KCNQ5: variants seen among roughly 807,000 people sequenced by gnomAD.
KCNQ5 encodes the protein potassium voltage-gated channel subfamily Q member 5.
KCNQ5 carries 30 observed loss-of-function variants against 98.2 expected under a neutral mutation model. The observed-to-expected ratio is 0.31, with a 90% CI of 0.23 to 0.41. KCNQ5 has a LOEUF of 0.41. KCNQ5 is among the 10% of genes least tolerant of loss of function. The probability of loss-of-function intolerance (pLI) is 1.00; values close to 1 mark genes in which losing one functional copy is unlikely to be tolerated. For synonymous variants in KCNQ5, 458 were observed against 449.4 expected, an observed-to-expected ratio of 1.02 and a Z score of -0.24; for missense variants, 835 against 1,182.5, an observed-to-expected ratio of 0.71 and a Z score of 4.31.
rs528507578 is a variant in KCNQ5 at position 73,062,512 on chromosome 6, C to T, written c.617-14810C>T. Among the ~76,000 whole-genome samples, 65 of 152,112 alleles carry T rather than the reference C, an allele frequency of 4.3e-4. No individual in the cohort carries two copies. The South Asian group carries it at 7.7e-3, about 18-fold the overall frequency. ...CAGTCACATGAGAAGCGTCATCCCC[C>T]CGGCCCCCATCACAACCCCTACACA... is the stretch of plus-strand genomic sequence containing the variant. On this transcript the variant is annotated intron_variant, in intron 3 of 13. Transcript: ENST00000370398.
intron 5 of KCNQ5, among the ~76,000 whole-genome samples, chr6:73,097,886 A>G (rs1408863089): frequency 6.6e-6 from 1 of 152,176 alleles, no homozygotes; most frequent in Non-Finnish European, 1.5e-5. Context: ...TTCAAATACC[A>G]GGAAAGCCTT....
intron 1 of KCNQ5, among the ~76,000 whole-genome samples, chr6:72,959,754 C>G (rs1360921598): frequency 1.3e-5 from 2 of 152,088 alleles, no homozygotes; most frequent in African/African-American, 4.8e-5. Flanking sequence ...GGGGAAAACT[C>G]AAACTGAAAC....
chr6:73,009,476 T>C (rs377412015), intron 2 of KCNQ5, among the ~76,000 whole-genome samples: 23 of 151,822 alleles, frequency 1.5e-4, no homozygotes, highest in African/African-American at 5.3e-4. Context: ...TTTTACAACT[T>C]AAGGAGCTAA....
intron 1 of KCNQ5, among the ~76,000 whole-genome samples, chr6:72,680,628 A>T (rs990617063): frequency 1.3e-5 from 2 of 152,026 alleles, no homozygotes; most frequent in African/African-American, 2.4e-5. Context: ...ATAGATAACC[A>T]TTTTTTTACT....
At chr6:73,014,402 T>G (rs1381183941) in intron 2 of KCNQ5, among the ~76,000 whole-genome samples, 1 of 152,074 alleles carries the variant, frequency 6.6e-6, no homozygotes, top group Non-Finnish European at 1.5e-5. Context: ...CCACTATCAA[T>G]TTTAGCAAGA....
At chr6:72,696,388 G>A (rs1340276872) in intron 1 of KCNQ5, among the ~76,000 whole-genome samples, 1 of 152,020 alleles carries the variant, frequency 6.6e-6, no homozygotes, top group African/African-American at 2.4e-5. Context: ...TTAATATTAG[G>A]CACTTTATGA....
At chr6:72,660,140 A>G (rs1225149101) in intron 1 of KCNQ5, among the ~76,000 whole-genome samples, 1 of 152,244 alleles carries the variant, frequency 6.6e-6, no homozygotes, top group South Asian at 2.1e-4. Context: ...TAATAATAGT[A>G]TAAGCTAATG....
chr6:73,111,217 C>A, intron 6 of KCNQ5, 91 bp from the exon 7 acceptor site: 1 of 843,896 alleles, frequency 1.2e-6, no homozygotes, highest in Non-Finnish European at 2.0e-6. Flanking sequence ...CGTTTGTCTT[C>A]TCTCAGACTC....
chr6:72,769,058 C>T (rs559715600), intron 1 of KCNQ5, among the ~76,000 whole-genome samples: 189 of 152,198 alleles, frequency 1.2e-3, no homozygotes, highest in African/African-American at 4.3e-3. Context: ...TCAAGTAGTA[C>T]TCTCCTTTCC....
At chr6:72,901,077 T>C (rs900713570) in intron 1 of KCNQ5, among the ~76,000 whole-genome samples, 2 of 151,946 alleles carry the variant, frequency 1.3e-5, no homozygotes, top group Non-Finnish European at 2.9e-5. Flanking sequence ...GCTGCACCCA[T>C]TAACTCATCA....
intron 1 of KCNQ5, among the ~76,000 whole-genome samples, chr6:72,882,073 C>T (rs1293158550): frequency 2.6e-5 from 4 of 152,090 alleles, no homozygotes; most frequent in East Asian, 1.9e-4. Context: ...ATTGTTTATT[C>T]ACTGATTAAA....
At chr6:72,726,974 C>T (rs1770316226) in intron 1 of KCNQ5, among the ~76,000 whole-genome samples, 1 of 152,162 alleles carries the variant, frequency 6.6e-6, no homozygotes, top group South Asian at 2.1e-4. Context: ...TAAAGATAAA[C>T]CACTCAGATC....
At chr6:73,102,289 A>G (rs1316700234) in intron 5 of KCNQ5, among the ~76,000 whole-genome samples, 3 of 152,214 alleles carry the variant, frequency 2.0e-5, no homozygotes, top group South Asian at 4.1e-4. Flanking sequence ...ACCTCAATCT[A>G]TGAAACTACT....
intron 5 of KCNQ5, among the ~76,000 whole-genome samples, chr6:73,080,360 A>G (rs556744537): frequency 6.6e-6 from 1 of 152,318 alleles, no homozygotes; most frequent in South Asian, 2.1e-4. Flanking sequence ...ATAAGAGATC[A>G]AACTTCGAAG....
At chr6:73,099,757 G>A (rs969040149) in intron 5 of KCNQ5, among the ~76,000 whole-genome samples, 3 of 152,168 alleles carry the variant, frequency 2.0e-5, no homozygotes, top group African/African-American at 7.2e-5. Flanking sequence ...CCAACTTTCA[G>A]CATTGGACAG....
intron 6 of KCNQ5, 85 bp from the exon 7 acceptor site, chr6:73,111,223 G>T: frequency 1.1e-6 from 1 of 886,928 alleles, no homozygotes; most frequent in South Asian, 1.4e-5. Context: ...TCTTCTCTCA[G>T]ACTCATTTTA....
intron 9 of KCNQ5, among the ~76,000 whole-genome samples, chr6:73,131,253 T>G (rs999377764): frequency 3.3e-5 from 5 of 152,096 alleles, no homozygotes; most frequent in African/African-American, 1.2e-4. Flanking sequence ...AGTAATTGAA[T>G]TTTTTTAATT....
rs113487091 is a variant in KCNQ5, at chr6:73,111,981, T to C, written c.1125+578T>C. Among the ~76,000 whole-genome samples, 1,015 of 152,306 alleles carry C rather than the reference T, an allele frequency of 6.7e-3. 6 individuals carry two copies. Among genetic ancestry groups the C allele is most frequent in the Middle Eastern group, 0.027 (8 of 294 alleles). ...AAACAATAAGTATATAATTTGAAGC[T>C]AGCTCCTAATACATAGGTTGTTATT... On this transcript the variant is annotated intron_variant, in intron 7 of 13. Transcript: ENST00000370398.
At chr6:72,831,368 G>C (rs1246547485) in intron 1 of KCNQ5, among the ~76,000 whole-genome samples, 1 of 152,126 alleles carries the variant, frequency 6.6e-6, no homozygotes, top group Non-Finnish European at 1.5e-5. Context: ...AGAAAATGTA[G>C]CACATATACA....
Sources: gnomAD v4.1 joint callset for allele counts (sites outside exome capture counted in the v4.1 genomes callset) on GRCh38, gnomAD v4.1.1 for gene constraint, MANE v1.5 for transcripts, NCBI Gene and HGNC (gene_info 2026-07-23, HGNC 2026-07-21) for gene names.